Variants in MARCHF11 observed in about 807,000 individuals in gnomAD.
The protein encoded by MARCHF11 is E3 ubiquitin-protein ligase MARCHF11.
In MARCHF11, 29 loss-of-function variants were observed where a neutral mutation model predicts 37.3. That is an observed-to-expected ratio of 0.78 (90% CI 0.58 to 1.06). MARCHF11 has a LOEUF of 1.06. Among genes scored for constraint, MARCHF11 ranks in the 50% least tolerant of loss-of-function variants. The pLI, the probability that MARCHF11 is intolerant of heterozygous loss-of-function variation, is 0.00. For missense variants in MARCHF11, 482 were observed against 533.4 expected (o/e 0.90, Z 0.95); for synonymous variants, 233 against 228.0 (o/e 1.02, Z -0.20).
intron 1 of MARCHF11, among the ~76,000 whole-genome samples, chr5:16,178,697 A>T (rs909160706): frequency 2.6e-5 from 4 of 152,230 alleles, no homozygotes; most frequent in African/African-American, 9.6e-5. Context: ...TACATCTGAC[A>T]GGTTTGCTTC....
intron 2 of MARCHF11, among the ~76,000 whole-genome samples, chr5:16,103,855 C>G (rs1736996756): frequency 6.6e-6 from 1 of 152,088 alleles, no homozygotes; most frequent in South Asian, 2.1e-4. Flanking sequence ...GATGAGACGC[C>G]ATGTGGAGAG....
At chr5:16,075,889 A>G (rs1289913667) in intron 3 of MARCHF11, among the ~76,000 whole-genome samples, 3 of 152,088 alleles carry the variant, frequency 2.0e-5, no homozygotes, top group African/African-American at 2.4e-5. Context: ...AAAAGAACTA[A>G]AATTCTTTGA....
At chr5:16,091,239 T>C (rs1014413805) in intron 2 of MARCHF11, among the ~76,000 whole-genome samples, 158 bp from the exon 3 acceptor site, 6 of 152,138 alleles carry the variant, frequency 3.9e-5, no homozygotes, top group Non-Finnish European at 8.8e-5. Flanking sequence ...CTATAAAAAA[T>C]AGAGAAGCAG....
chr5:16,108,371 C>T (rs1165941665), intron 2 of MARCHF11, among the ~76,000 whole-genome samples: 5 of 152,206 alleles, frequency 3.3e-5, no homozygotes, highest in African/African-American at 9.6e-5. Context: ...GCATGTCCTG[C>T]GAGGGGGGCC....
intron 2 of MARCHF11, among the ~76,000 whole-genome samples, chr5:16,118,996 G>C (rs572400201): frequency 3.0e-4 from 45 of 152,288 alleles, no homozygotes; most frequent in Admixed American, 8.5e-4. Context: ...TTCTTAGAGT[G>C]AGGGGCTGAG....
At chr5:16,070,339 A>G (rs752297714) in intron 3 of MARCHF11, among the ~76,000 whole-genome samples, 43 of 152,348 alleles carry the variant, frequency 2.8e-4, no homozygotes, top group Middle Eastern at 3.4e-3. Flanking sequence ...TTCATCAACT[A>G]TGAAGCCCTC....
intron 2 of MARCHF11, among the ~76,000 whole-genome samples, chr5:16,113,931 C>T (rs1038471416): frequency 1.6e-4 from 24 of 152,114 alleles, no homozygotes; most frequent in Non-Finnish European, 2.9e-5. Flanking sequence ...AGGAAACTCA[C>T]CTCTTTTCAA....
intron 2 of MARCHF11, among the ~76,000 whole-genome samples, chr5:16,176,700 T>C (rs1210052671): frequency 1.3e-5 from 2 of 152,212 alleles, no homozygotes; most frequent in African/African-American, 4.8e-5. Flanking sequence ...GCACTAGTAA[T>C]TCAGCTTGCA....
In MARCHF11 at chr5:16,179,698, G is replaced by A. The variant is rs1412629739; in HGVS notation, c.-123C>T. On this transcript the variant is annotated 5_prime_UTR_variant, in exon 1 of 4. Transcript: ENST00000332432. ...AGGAGGGAGGGGGCCCGGACGCCTG[G>A]GGCTAGGGGGCGGGACGGGGAGGGG... 1.7e-6 allele frequency: 1 copy of A among 594,286 alleles called. No individual in the cohort carries two copies. Among genetic ancestry groups the A allele is most frequent in the African/African-American group, 2.1e-5 (1 of 48,554 alleles). The allele number at this position is 594,286 out of a possible 1,614,324, so 36.8% of individuals were successfully genotyped here.
intron 2 of MARCHF11, among the ~76,000 whole-genome samples, chr5:16,119,863 AT>A (rs995282185): frequency 1.3e-5 from 2 of 152,230 alleles, no homozygotes; most frequent in Non-Finnish European, 2.9e-5. Context: ...CAAATAAACA[AT>A]GCAGAATGCA....
intron 3 of MARCHF11, among the ~76,000 whole-genome samples, chr5:16,073,610 T>C (rs1736471165): frequency 1.3e-5 from 2 of 149,450 alleles, no homozygotes. Flanking sequence ...TATATAATAA[T>C]ATATATAGAA....
intron 2 of MARCHF11, among the ~76,000 whole-genome samples, chr5:16,171,343 G>A (rs1015132049): frequency 4.2e-5 from 6 of 142,542 alleles, no homozygotes; most frequent in African/African-American, 1.6e-4. Context: ...AAGAAACATA[G>A]AAATTTAGAA....
intron 2 of MARCHF11, among the ~76,000 whole-genome samples, chr5:16,107,829 G>A (rs1198641899): frequency 6.6e-6 from 1 of 151,838 alleles, no homozygotes; most frequent in Non-Finnish European, 1.5e-5. Context: ...AGCACCTAGA[G>A]GAGTTTGGCT....
At chr5:16,094,323 C>T (rs549754239) in intron 2 of MARCHF11, among the ~76,000 whole-genome samples, 1 of 152,258 alleles carries the variant, frequency 6.6e-6, no homozygotes, top group African/African-American at 2.4e-5. Flanking sequence ...TGTTAATGGG[C>T]CATTTGCTTC....
chr5:16,114,952 T>A (rs1046584049), intron 2 of MARCHF11, among the ~76,000 whole-genome samples: 4 of 152,312 alleles, frequency 2.6e-5, no homozygotes, highest in Non-Finnish European at 4.4e-5. Flanking sequence ...AAAAACCATT[T>A]ACTTAAGTTC....
Position 16,079,081 on chromosome 5 carries a change from G to A in MARCHF11, c.887-11288C>T, listed in dbSNP as rs372220987. ...ATGGATGGTTTGACCCCTGACTCCT[G>A]AGCCTGCTCCATCCCCCTAGACCCA... On this transcript the variant is annotated intron_variant, in intron 3 of 3. Transcript: ENST00000332432. Among the ~76,000 whole-genome samples, 5 of 152,282 alleles carry A rather than the reference G, an allele frequency of 3.3e-5. No individual in the cohort carries two copies. In the East Asian group the frequency reaches 5.8e-4, roughly 18 times the overall value.
rs551006903 is a variant in MARCHF11, at chr5:16,162,901, G to T, written c.693+14825C>A. Among the ~76,000 whole-genome samples the T allele has an allele frequency of 1.4e-4, 21 of 152,000 alleles. No individual in the cohort carries two copies. In the East Asian group the frequency reaches 3.9e-3, roughly 28 times the overall value. On this transcript the variant is annotated intron_variant, in intron 2 of 3. Transcript: ENST00000332432. ...GCCAAGCATTTTGAAAATGTTACTT[G>T]ATTTCATCCTTCCAACAACATTAAG...
chr5:16,179,500 G>T lies in MARCHF11; in HGVS notation c.76C>A (p.Pro26Thr). The T allele has an allele frequency of 8.6e-7, 1 of 1,164,604 alleles. No homozygotes were observed. The highest frequency in any genetic ancestry group is 1.1e-6 in the Non-Finnish European group (1 of 945,484). The allele number at this position is 1,164,604 out of a possible 1,614,324, so 72.1% of individuals were successfully genotyped here. Residue 26 changes from proline to threonine, a missense_variant, in exon 1 of 4, where the codon CCT becomes ACT. By Grantham distance (38) the Pro-to-Thr change is conservative. Transcript: ENST00000332432. ...ESGDAEPPPQ[P>T]PPPPPPTPPP... The stretch of plus-strand genomic sequence containing the variant: ...GGCGTCGGCGGCGGCGGCGGGGGAG[G>T]TTGCGGGGGAGGCTCGGCGTCCCCG...
At chr5:16,176,644 T>C (rs1342731887) in intron 2 of MARCHF11, among the ~76,000 whole-genome samples, 1 of 152,214 alleles carries the variant, frequency 6.6e-6, no homozygotes, top group African/African-American at 2.4e-5. Flanking sequence ...TTGCAAACTA[T>C]ATAAAGGATA....
Sources: gnomAD v4.1 joint callset for allele counts (sites outside exome capture counted in the v4.1 genomes callset) on GRCh38, gnomAD v4.1.1 for gene constraint, MANE v1.5 for transcripts, NCBI Gene and HGNC (gene_info 2026-07-23, HGNC 2026-07-21) for gene names.